The following BCL2 variants were observed in gnomAD, a reference collection of about 807,000 sequenced individuals.
The protein encoded by BCL2 is apoptosis regulator Bcl-2.
In BCL2, 1 loss-of-function variant was observed where a neutral mutation model predicts 14.2. The observed-to-expected ratio is 0.07, with a 90% CI of 0.02 to 0.33. BCL2 has a LOEUF of 0.33. BCL2 is among the 10% of genes least tolerant of loss of function. BCL2 has a pLI of 0.99. For missense variants in BCL2, 247 were observed against 305.9 expected, an observed-to-expected ratio of 0.81 and a Z score of 1.44; for synonymous variants, 151 against 137.2, an observed-to-expected ratio of 1.10 and a Z score of -0.70.
At chr18:63,219,710 G>A (rs1040120571) in intron 2 of BCL2, among the ~76,000 whole-genome samples, 10 of 152,162 alleles carry the variant, frequency 6.6e-5, no homozygotes, top group Non-Finnish European at 1.2e-4. Context: ...GGCCTACTAT[G>A]TACAAAGCAC....
At chr18:63,267,771 C>T (rs766060921) in intron 2 of BCL2, among the ~76,000 whole-genome samples, 58 of 152,182 alleles carry the variant, frequency 3.8e-4, no homozygotes, top group Non-Finnish European at 6.3e-4. Flanking sequence ...CTCTGGTCCA[C>T]AAAGGAGACT....
Position 63,227,548 on chromosome 18 carries a change from C to T in BCL2, c.585+90534G>A, listed in dbSNP as rs140877536. 6.2e-3 allele frequency among the ~76,000 whole-genome samples: 943 copies of T among 152,012 alleles called. 7 individuals are homozygous for T. Among genetic ancestry groups the T allele is most frequent in the African/African-American group, 0.022 (895 of 41,450 alleles). ...TTTAATGTTTGAGGGTAACAACTGT[C>T]AAAACAATAGGACAAAATGTATACA... On this transcript the variant is annotated intron_variant, in intron 2 of 2. Transcript: ENST00000333681.
chr18:63,319,148 A>AC, intron 1 of BCL2, 26 bp downstream of exon 1: 1 of 757,528 alleles, frequency 1.3e-6, no homozygotes, highest in Non-Finnish European at 1.7e-6. Context: ...GTTACATTAA[A>AC]CCAATTTCCT....
chr18:63,246,141 T>C (rs1327587522), intron 2 of BCL2, among the ~76,000 whole-genome samples: 1 of 152,220 alleles, frequency 6.6e-6, no homozygotes, highest in Admixed American at 6.5e-5. Context: ...GTTTTGTGGA[T>C]GTTCCCAATG....
At chr18:63,315,078 G>C (rs906914426) in intron 2 of BCL2, 1 of 152,204 alleles carries the variant, frequency 6.6e-6, no homozygotes, top group Non-Finnish European at 1.5e-5. Context: ...ATGCCACCAG[G>C]AACCAAGGAT....
intron 2 of BCL2, among the ~76,000 whole-genome samples, chr18:63,230,351 C>T (rs1235487266): frequency 6.6e-6 from 1 of 152,070 alleles, no homozygotes; most frequent in Non-Finnish European, 1.5e-5. Flanking sequence ...AAATGTTTAG[C>T]ATTGAATTTA....
At chr18:63,204,852 T>C (rs1909791507) in intron 2 of BCL2, among the ~76,000 whole-genome samples, 1 of 152,020 alleles carries the variant, frequency 6.6e-6, no homozygotes, top group South Asian at 2.1e-4. Flanking sequence ...ACTGTTAAAT[T>C]AACAGGGCAA....
intron 2 of BCL2, among the ~76,000 whole-genome samples, chr18:63,310,749 G>A (rs939800180): frequency 2.0e-5 from 3 of 152,156 alleles, no homozygotes; most frequent in African/African-American, 7.2e-5. Flanking sequence ...CCCGGTTCCT[G>A]GGAACCCAGG....
At chr18:63,265,819 A>T (rs181738112) in intron 2 of BCL2, among the ~76,000 whole-genome samples, 1 of 152,322 alleles carries the variant, frequency 6.6e-6, no homozygotes, top group East Asian at 1.9e-4. Context: ...GAAAATCAAG[A>T]TAGTTCATAA....
intron 2 of BCL2, among the ~76,000 whole-genome samples, chr18:63,217,046 G>A (rs923960696): frequency 1.3e-5 from 2 of 152,198 alleles, no homozygotes; most frequent in African/African-American, 4.8e-5. Flanking sequence ...CTCGAGATGA[G>A]ACGCCATGCC....
At chr18:63,200,141 T>C (rs1208085954) in intron 2 of BCL2, among the ~76,000 whole-genome samples, 1 of 152,226 alleles carries the variant, frequency 6.6e-6, no homozygotes, top group Non-Finnish European at 1.5e-5. Context: ...GATTTAATTC[T>C]GCACAAACCT....
Position 63,319,178 on chromosome 18 carries a change from A to C in BCL2, c.-291T>G. 1 of 537,888 alleles carries C rather than the reference A, an allele frequency of 1.9e-6. No individual in the cohort carries two copies. The allele number at this position is 537,888 out of a possible 1,614,324, so 33.3% of individuals were successfully genotyped here. On this transcript the variant is annotated 5_prime_UTR_variant, in exon 1 of 3. Transcript: ENST00000333681. ...TTTCCTGTGCAGAGAACTTACTTGT[A>C]TTTTTTAAGTACAGCATGATCCTCT...
At position 63,210,618 on chromosome 18, in the gene BCL2, G is replaced by A. The variant is rs74395307; in HGVS notation, c.586-81859C>T. Among the ~76,000 whole-genome samples, 473 of 152,228 alleles carry A rather than the reference G, an allele frequency of 3.1e-3. 2 individuals carry two copies. Among genetic ancestry groups the A allele is most frequent in the Non-Finnish European group, 5.7e-3 (390 of 68,014 alleles). ...AATATAAAGAAACTGAACTTCTAAC[G>A]AATGAAAGACGCTGGATGAAAAGAT... On this transcript the variant is annotated intron_variant, in intron 2 of 2. Transcript: ENST00000333681.
At position 63,169,248 on chromosome 18, in the gene BCL2, T is replaced by TTTTCTTTCTTTCTTTC. The variant is rs145779306; in HGVS notation, c.586-40505_586-40490dup. On this transcript the variant is annotated intron_variant, in intron 2 of 2. Transcript: ENST00000333681. ...ACAGAATAGTTTTTCCCCTTCGTGTTTTTCTTTCTTTCTTTCTTTCTTTCT... is the reference window on the plus strand; with the variant it reads ...ACAGAATAGTTTTTCCCCTTCGTGTTTTTCTTTCTTTCTTTCTTTCTTTCTTTCTTTCTTTCTTTCT... Among the ~76,000 whole-genome samples the TTTTCTTTCTTTCTTTC allele has an allele frequency of 6.9e-3, 744 of 108,238 alleles. 36 individuals carry two copies. The highest frequency in any genetic ancestry group is 0.013 in the East Asian group (43 of 3,398). 71.0% of individuals were successfully genotyped at this position (108,238 alleles called of 152,430 possible).
At chr18:63,241,369 G>C (rs150952217) in intron 2 of BCL2, among the ~76,000 whole-genome samples, 140 of 152,310 alleles carry the variant, frequency 9.2e-4, no homozygotes, top group African/African-American at 3.2e-3. Flanking sequence ...GACCCACCAA[G>C]CATATTTCAT....
chr18:63,296,636 T>A (rs1381831749), intron 2 of BCL2, among the ~76,000 whole-genome samples: 1 of 152,080 alleles, frequency 6.6e-6, no homozygotes, highest in Non-Finnish European at 1.5e-5. Context: ...TTGGCTTAAC[T>A]CTTAGGGCAG....
intron 2 of BCL2, among the ~76,000 whole-genome samples, chr18:63,200,321 AG>A (rs1909652746): frequency 6.6e-6 from 1 of 152,234 alleles, no homozygotes; most frequent in African/African-American, 2.4e-5. Context: ...ACCAAATATG[AG>A]GTACCATTGC....
At chr18:63,196,452 T>C (rs528280245) in intron 2 of BCL2, among the ~76,000 whole-genome samples, 1 of 152,244 alleles carries the variant, frequency 6.6e-6, no homozygotes, top group African/African-American at 2.4e-5. Flanking sequence ...ACTTAGTCAC[T>C]TGGTTACTAA....
At chr18:63,198,548 A>C (rs1909534631) in intron 2 of BCL2, among the ~76,000 whole-genome samples, 1 of 146,228 alleles carries the variant, frequency 6.8e-6, no homozygotes, top group Admixed American at 6.8e-5. Context: ...ACACACAGAC[A>C]CACATAGACA....
Sources: allele counts gnomAD v4.1 joint callset (sites outside exome capture counted in the v4.1 genomes callset), GRCh38; gene constraint gnomAD v4.1.1; transcripts MANE v1.5; gene names NCBI Gene and HGNC (gene_info 2026-07-23, HGNC 2026-07-21).